Variants in OSBPL8 observed in about 807,000 individuals in gnomAD.
OSBPL8 encodes oxysterol-binding protein-related protein 8.
Under a neutral mutation model 125.5 loss-of-function variants are expected in OSBPL8, and 59 were observed. That is an observed-to-expected ratio of 0.47 (90% CI 0.38 to 0.58). The LOEUF (loss-of-function observed/expected upper bound fraction) is 0.58, where lower values mean the gene tolerates loss of function less well. Ranked by LOEUF, OSBPL8 falls within the 20% of genes least tolerant of loss-of-function variation. The probability of loss-of-function intolerance (pLI) is 0.00; values close to 1 mark genes in which losing one functional copy is unlikely to be tolerated. For synonymous variants in OSBPL8, 330 were observed against 338.9 expected, an observed-to-expected ratio of 0.97 and a Z score of 0.29; for missense variants, 758 against 1,047.8, an observed-to-expected ratio of 0.72 and a Z score of 3.82.
intron 1 of OSBPL8, among the ~76,000 whole-genome samples, chr12:76,522,056 C>T (rs868238491): frequency 6.6e-6 from 1 of 152,134 alleles, no homozygotes; most frequent in African/African-American, 2.4e-5. Context: ...TCAAACACAA[C>T]AAATTGGTCT....
At chr12:76,394,109 T>C (rs1246796452) in intron 9 of OSBPL8, among the ~76,000 whole-genome samples, 1 of 152,128 alleles carries the variant, frequency 6.6e-6, no homozygotes, top group African/African-American at 2.4e-5. Flanking sequence ...GTCTAAACTA[T>C]GAAACATGAA....
intron 3 of OSBPL8, among the ~76,000 whole-genome samples, chr12:76,455,904 C>T (rs567808259): frequency 7.9e-5 from 12 of 152,274 alleles, no homozygotes; most frequent in Non-Finnish European, 1.8e-4. Flanking sequence ...GCAGTTTCAC[C>T]GTCTCACCTA....
chr12:76,506,013 A>C (rs757435473), intron 1 of OSBPL8, among the ~76,000 whole-genome samples: 1 of 151,518 alleles, frequency 6.6e-6, no homozygotes, highest in Non-Finnish European at 1.5e-5. Context: ...GCAACAGACA[A>C]TGATGGCTTG....
Position 76,373,330 on chromosome 12 carries a change from T to TACA in OSBPL8, c.1917+11_1917+13dup, listed in dbSNP as rs1952691527. On this transcript the variant is annotated intron_variant, in intron 18 of 23. Transcript: ENST00000261183. ...TAAAATTCTTTTTGTAAAGCTCATA[T>TACA]ACAAAATACTTACCCAATGACCTTC... The TACA allele has an allele frequency of 6.6e-7, 1 of 1,521,182 alleles. No homozygotes were observed. The highest frequency in any genetic ancestry group is 9.0e-7 in the Non-Finnish European group (1 of 1,114,548). 94.2% of individuals were successfully genotyped at this position (1,521,182 alleles called of 1,614,324 possible).
intron 4 of OSBPL8, among the ~76,000 whole-genome samples, chr12:76,414,849 A>C (rs191702172): frequency 1.7e-4 from 26 of 152,300 alleles, no homozygotes; most frequent in African/African-American, 6.3e-4. Flanking sequence ...AACTTTTCCC[A>C]CATCTATTAA....
At chr12:76,472,108 G>C (rs1876207021) in intron 2 of OSBPL8, among the ~76,000 whole-genome samples, 2 of 152,202 alleles carry the variant, frequency 1.3e-5, no homozygotes, top group South Asian at 4.1e-4. Flanking sequence ...GATATGCAAA[G>C]GCCTGAGTTC....
intron 4 of OSBPL8, among the ~76,000 whole-genome samples, chr12:76,415,745 T>C (rs985782197): frequency 4.6e-5 from 7 of 152,200 alleles, no homozygotes; most frequent in African/African-American, 1.7e-4. Context: ...TCTTTATTTT[T>C]GATACTGGCT....
At chr12:76,505,575 G>C (rs1006009629) in intron 1 of OSBPL8, among the ~76,000 whole-genome samples, 3 of 152,016 alleles carry the variant, frequency 2.0e-5, no homozygotes, top group African/African-American at 4.8e-5. Flanking sequence ...CACAAAAAAA[G>C]GTAAAATTTT....
At chr12:76,533,967 T>G (rs1950422111) in intron 1 of OSBPL8, among the ~76,000 whole-genome samples, 1 of 152,174 alleles carries the variant, frequency 6.6e-6, no homozygotes, top group South Asian at 2.1e-4. Context: ...AATAAAACAT[T>G]CATATATAAT....
chr12:76,392,793 C>T, intron 9 of OSBPL8, 41 bp from the exon 10 acceptor site: 1 of 1,530,096 alleles, frequency 6.5e-7, no homozygotes, highest in Non-Finnish European at 8.9e-7. Context: ...ATTTTTAAAA[C>T]TATGAAACTA....
In OSBPL8 at chr12:76,390,565, T is replaced by A; in HGVS notation, c.1022A>T (p.Glu341Val). The stretch of plus-strand genomic sequence containing the variant: ...TTTCCCCATCACCTCATTATCAGAC[T>A]CATCATGTTCTTGATCATTTTCTTT... ...SDKENDQEHD[E>V]SDNEVMGKSE... The change falls in exon 11 of 24, where the codon GAG becomes GTG. Residue 341 changes from glutamate (E) to valine (V), a missense_variant. Physicochemically the swap from Glu to Val is moderately radical, Grantham distance 121 (BLOSUM62 -2). Transcript: ENST00000261183. 1 of 1,613,784 alleles carries A rather than the reference T, an allele frequency of 6.2e-7. No individual in the cohort carries two copies. The highest frequency in any genetic ancestry group is 8.5e-7 in the Non-Finnish European group (1 of 1,179,778).
At chr12:76,422,978 G>A (rs1332786872) in intron 4 of OSBPL8, 2 of 164,168 alleles carry the variant, frequency 1.2e-5, no homozygotes, top group East Asian at 3.1e-4. Context: ...AACAAAACAA[G>A]ATCAATACTT....
intron 1 of OSBPL8, among the ~76,000 whole-genome samples, chr12:76,537,774 T>C (rs1950538968): frequency 6.6e-6 from 1 of 152,000 alleles, no homozygotes; most frequent in Non-Finnish European, 1.5e-5. Flanking sequence ...CTGGGCATGG[T>C]GGTGGGTGCC....
chr12:76,365,215 T>A (rs143154015), intron 21 of OSBPL8, among the ~76,000 whole-genome samples: 3 of 152,330 alleles, frequency 2.0e-5, no homozygotes, highest in African/African-American at 7.2e-5. Flanking sequence ...GTGCTGAGGT[T>A]ACAGGCATGA....
chr12:76,444,619 T>C (rs992251744), intron 4 of OSBPL8, among the ~76,000 whole-genome samples: 1 of 152,142 alleles, frequency 6.6e-6, no homozygotes, highest in South Asian at 2.1e-4. Flanking sequence ...AAATCAGACA[T>C]ACTAAGAACC....
chr12:76,516,148 G>T (rs529000856), intron 1 of OSBPL8, among the ~76,000 whole-genome samples: 1 of 152,230 alleles, frequency 6.6e-6, no homozygotes, highest in East Asian at 1.9e-4. Flanking sequence ...AAAATACACT[G>T]CTATGGAATA....
intron 17 of OSBPL8, among the ~76,000 whole-genome samples, chr12:76,374,452 A>G (rs1351834390): frequency 1.3e-5 from 2 of 152,054 alleles, no homozygotes; most frequent in African/African-American, 4.8e-5. Context: ...GAAGTGATAT[A>G]ATTTGGCTTC....
At chr12:76,505,821 A>G (rs1218984366) in intron 1 of OSBPL8, among the ~76,000 whole-genome samples, 1 of 152,212 alleles carries the variant, frequency 6.6e-6, no homozygotes, top group African/African-American at 2.4e-5. Context: ...CAGAAATGTA[A>G]CTAAGCTGCA....
chr12:76,390,321 A>C, intron 11 of OSBPL8, 99 bp downstream of exon 11: 1 of 886,616 alleles, frequency 1.1e-6, no homozygotes, highest in South Asian at 1.7e-5. Context: ...TCTATCACAG[A>C]AAAATAGGCA....
Sources: gnomAD v4.1 joint callset for allele counts (sites outside exome capture counted in the v4.1 genomes callset) on GRCh38, gnomAD v4.1.1 for gene constraint, MANE v1.5 for transcripts, NCBI Gene and HGNC (gene_info 2026-07-23, HGNC 2026-07-21) for gene names.